The following PLD1 variants were observed in gnomAD, a reference collection of about 807,000 sequenced individuals.
The protein encoded by PLD1 is choline phosphatase 1.
In PLD1, 112 loss-of-function variants were observed where a neutral mutation model predicts 137.1. The ratio of observed to expected loss-of-function variants is 0.82; its 90% CI spans 0.70 to 0.96. PLD1 has a LOEUF of 0.96. PLD1 is among the 40% of genes least tolerant of loss of function. The pLI is 0.00. For missense variants in PLD1, 1,321 were observed against 1,342.0 expected (o/e 0.98, Z 0.24); for synonymous variants, 431 against 454.7 (o/e 0.95, Z 0.66).
intron 23 of PLD1, among the ~76,000 whole-genome samples, chr3:171,620,769 T>TATATA (rs1491299107): frequency 2.3e-5 from 2 of 88,534 alleles, no homozygotes; most frequent in African/African-American, 6.7e-5. Flanking sequence ...TATATATATA[T>TATATA]TATATATATT....
intron 13 of PLD1, among the ~76,000 whole-genome samples, chr3:171,689,529 G>A (rs1271579571): frequency 6.6e-6 from 1 of 150,548 alleles, no homozygotes; most frequent in African/African-American, 2.5e-5. Flanking sequence ...CTTTCTCAGA[G>A]ACTCACTCTC....
At chr3:171,744,071 C>CAA (rs906582708) in intron 1 of PLD1, among the ~76,000 whole-genome samples, 1 of 152,186 alleles carries the variant, frequency 6.6e-6, no homozygotes, top group Non-Finnish European at 1.5e-5. Context: ...GATTGGCTGC[C>CAA]AACGCAATCA....
intron 6 of PLD1, 67 bp from the exon 7 acceptor site, chr3:171,726,143 G>T: frequency 2.0e-6 from 2 of 992,680 alleles, no homozygotes; most frequent in Non-Finnish European, 3.2e-6. Flanking sequence ...TAAAAAACAT[G>T]TATTAGGTAT....
At chr3:171,604,444 AT>A (rs1180182038) in intron 26 of PLD1, among the ~76,000 whole-genome samples, 53 of 148,892 alleles carry the variant, frequency 3.6e-4, no homozygotes, top group African/African-American at 8.3e-4. Context: ...ATTTTCCCTA[AT>A]TTTTTTTTTT....
intron 9 of PLD1, among the ~76,000 whole-genome samples, chr3:171,711,000 A>G: frequency 6.7e-6 from 1 of 149,736 alleles, no homozygotes. Flanking sequence ...CAGCCTCCCA[A>G]GTAGCTGGGA....
In PLD1 at chr3:171,796,145, C is replaced by T. The variant is rs118086199; in HGVS notation, c.-32+14254G>A. 2.3e-4 allele frequency among the ~76,000 whole-genome samples: 35 copies of T among 152,272 alleles called. No individual in the cohort carries two copies. In the East Asian group the frequency reaches 6.4e-3, roughly 28 times the overall value. ...GCTGTCCACTTTTTGTAAGTATTTA[C>T]GATGAGTGCAGTGAAGAAGACGAAA... On this transcript the variant is annotated intron_variant, in intron 1 of 26. Coordinates refer to ENST00000351298, the MANE Select transcript of PLD1 (RefSeq NM_002662.5).
intron 1 of PLD1, among the ~76,000 whole-genome samples, chr3:171,764,871 GAAAGAAAGAA>G (rs1721740933): frequency 2.9e-5 from 1 of 34,424 alleles, no homozygotes; most frequent in Non-Finnish European, 5.8e-5. Context: ...AAGAAAGAAA[GAAAGAAAGAA>G]AGAAAGAAAG....
chr3:171,637,379 G>A (rs560299898), intron 23 of PLD1, among the ~76,000 whole-genome samples: 1 of 151,472 alleles, frequency 6.6e-6, no homozygotes, highest in East Asian at 2.0e-4. Flanking sequence ...GGGACTACAG[G>A]TGCATGCCAC....
At chr3:171,774,715 A>C (rs1387439527) in intron 1 of PLD1, among the ~76,000 whole-genome samples, 1 of 152,222 alleles carries the variant, frequency 6.6e-6, no homozygotes. Context: ...CAGCATGCGC[A>C]CTGGCTCCCT....
chr3:171,699,159 G>T (rs548171323), intron 12 of PLD1, among the ~76,000 whole-genome samples: 1 of 151,978 alleles, frequency 6.6e-6, no homozygotes, highest in Non-Finnish European at 1.5e-5. Flanking sequence ...GTGAGCCTAG[G>T]CTGCTTCAGT....
In PLD1 at chr3:171,666,108, A is replaced by C. The variant is rs985989772; in HGVS notation, c.2230-3938T>G. On this transcript the variant is annotated intron_variant, in intron 19 of 26. Transcript: ENST00000351298. ...GGAACCCTGAGGTTATATAAAAATC[A>C]ACTTAACTGCTTTAAATGCTTGATG... The C allele has an allele frequency of 2.6e-5, 4 of 152,272 alleles. No individual in the cohort carries two copies. The East Asian group carries it at 7.7e-4, about 29-fold the overall frequency. 9.4% of individuals were successfully genotyped at this position (152,272 alleles called of 1,614,324 possible).
intron 9 of PLD1, among the ~76,000 whole-genome samples, chr3:171,711,802 C>T (rs145283339): frequency 1.8e-5 from 2 of 108,640 alleles, no homozygotes; most frequent in South Asian, 5.7e-4. Flanking sequence ...TAAACTCTTA[C>T]AGAGTTATAA....
At chr3:171,695,334 T>C (rs1426579686) in intron 12 of PLD1, among the ~76,000 whole-genome samples, 2 of 152,220 alleles carry the variant, frequency 1.3e-5, no homozygotes, top group African/African-American at 4.8e-5. Flanking sequence ...AATTACTTTT[T>C]GCTTAAAGAA....
chr3:171,715,961 G>A (rs553189452), intron 8 of PLD1, among the ~76,000 whole-genome samples: 13 of 143,302 alleles, frequency 9.1e-5, no homozygotes, highest in Admixed American at 6.3e-4. Flanking sequence ...TGTTGTTGCC[G>A]TCTTTGTGTC....
chr3:171,727,432 G>A (rs1200428703), intron 6 of PLD1, among the ~76,000 whole-genome samples: 1 of 152,114 alleles, frequency 6.6e-6, no homozygotes, highest in East Asian at 1.9e-4. Context: ...AGGCATAGAA[G>A]GGAAAAACAA....
intron 1 of PLD1, among the ~76,000 whole-genome samples, chr3:171,759,679 C>T (rs928856234): frequency 6.6e-5 from 10 of 152,218 alleles, no homozygotes; most frequent in African/African-American, 2.4e-4. Context: ...TGTGTATGTA[C>T]GTGGCTTTGT....
Position 171,602,634 on chromosome 3 carries a change from C to A in PLD1, c.*444G>T. On this transcript the variant is annotated 3_prime_UTR_variant, in exon 27 of 27. Transcript: ENST00000351298. ...CAGCATTACAACATCTAATAATAAACAATCTCTCAAACAGTGCCTGTATGA... is the reference window on the plus strand; with the variant it reads ...CAGCATTACAACATCTAATAATAAAAAATCTCTCAAACAGTGCCTGTATGA... 1 of 172,984 alleles carries A rather than the reference C, an allele frequency of 5.8e-6. No homozygotes were observed. Among genetic ancestry groups the A allele is most frequent in the Non-Finnish European group, 1.3e-5 (1 of 79,972 alleles). 10.7% of individuals were successfully genotyped at this position (172,984 alleles called of 1,614,324 possible).
intron 1 of PLD1, among the ~76,000 whole-genome samples, chr3:171,740,196 T>C (rs1270190934): frequency 6.6e-6 from 1 of 152,182 alleles, no homozygotes; most frequent in African/African-American, 2.4e-5. Context: ...AAGAGATTAA[T>C]CAGAGTAGTT....
chr3:171,763,986 A>T (rs1040854443), intron 1 of PLD1, among the ~76,000 whole-genome samples: 7 of 152,168 alleles, frequency 4.6e-5, no homozygotes, highest in Middle Eastern at 3.4e-3. Context: ...GTTTTTACCA[A>T]CCTAGGAGAA....
Sources: allele counts gnomAD v4.1 joint callset (sites outside exome capture counted in the v4.1 genomes callset), GRCh38; gene constraint gnomAD v4.1.1; transcripts MANE v1.5; gene names NCBI Gene and HGNC (gene_info 2026-07-23, HGNC 2026-07-21).